Variants in PLXNA4 observed in about 807,000 individuals in gnomAD.
PLXNA4 encodes plexin A4, also known as plexin-A4.
PLXNA4 carries 44 observed loss-of-function variants against 191.8 expected under a neutral mutation model. The observed-to-expected ratio is 0.23, with a 90% confidence interval of 0.18 to 0.29. PLXNA4 has a LOEUF of 0.29. PLXNA4 is among the 10% of genes least tolerant of loss of function. PLXNA4 has a pLI of 1.00. For missense variants in PLXNA4, 1,800 were observed against 2,488.8 expected (o/e 0.72, Z 5.89); for synonymous variants, 1,082 against 1,009.5 (o/e 1.07, Z -1.36).
At chr7:132,237,521 G>A (rs1276263015) in intron 5 of PLXNA4, among the ~76,000 whole-genome samples, 1 of 152,170 alleles carries the variant, frequency 6.6e-6, no homozygotes, top group Non-Finnish European at 1.5e-5. Flanking sequence ...GCCTCAGCGG[G>A]CAGGCAGCCT....
intron 4 of PLXNA4, among the ~76,000 whole-genome samples, chr7:132,260,344 A>G (rs934652985): frequency 6.6e-6 from 1 of 152,236 alleles, no homozygotes; most frequent in African/African-American, 2.4e-5. Context: ...GAATGAGATC[A>G]TGCTTTTTAC....
At position 132,127,944 on chromosome 7, in the gene PLXNA4, T is replaced by G. The variant is rs1794818393; in HGVS notation, c.*2535A>C. ...AGCTTCAGCAGAACCGTGATAAGTCTTTTTTCTTTTTTTTTTCTGCTTGTT... is the reference window on the plus strand; with the variant it reads ...AGCTTCAGCAGAACCGTGATAAGTCGTTTTTCTTTTTTTTTTCTGCTTGTT... On this transcript the variant is annotated 3_prime_UTR_variant, in exon 32 of 32. Transcript: ENST00000321063. The G allele has an allele frequency of 6.6e-6, 1 of 151,454 alleles. No individual in the cohort carries two copies. Among genetic ancestry groups the G allele is most frequent in the African/African-American group, 2.4e-5 (1 of 41,214 alleles). The allele number at this position is 151,454 out of a possible 1,614,324, so 9.4% of individuals were successfully genotyped here.
intron 2 of PLXNA4, among the ~76,000 whole-genome samples, chr7:132,626,241 A>C (rs1499300): frequency 0.22 from 33,108 of 152,078 alleles, 4,216 homozygotes; most frequent in African/African-American, 0.32. Context: ...AGCCCTCATC[A>C]CATCATCTTT....
chr7:132,134,698 C>T (rs754035978), intron 30 of PLXNA4, among the ~76,000 whole-genome samples: 1 of 152,200 alleles, frequency 6.6e-6, no homozygotes, highest in Non-Finnish European at 1.5e-5. Context: ...GGCAACAAGG[C>T]CAAGGGCGTA....
At chr7:132,345,387 C>T (rs1224588230) in intron 3 of PLXNA4, among the ~76,000 whole-genome samples, 1 of 152,244 alleles carries the variant, frequency 6.6e-6, no homozygotes, top group Non-Finnish European at 1.5e-5. Flanking sequence ...ATTAACACTT[C>T]ATTCTTGCCT....
At chr7:132,518,093 A>G (rs762890932) in intron 1 of PLXNA4, among the ~76,000 whole-genome samples, 2 of 152,088 alleles carry the variant, frequency 1.3e-5, no homozygotes, top group Non-Finnish European at 2.9e-5. Context: ...CTAGGGCCCA[A>G]TCATGCAGCT....
intron 3 of PLXNA4, among the ~76,000 whole-genome samples, chr7:132,432,151 G>A (rs952986547): frequency 2.6e-5 from 4 of 152,126 alleles, no homozygotes; most frequent in African/African-American, 9.7e-5. Context: ...ACTCCAAGAA[G>A]CTGGGTATCC....
At chr7:132,562,024 CCTCCTT>C (rs1378171843) in intron 1 of PLXNA4, among the ~76,000 whole-genome samples, 10 of 97,242 alleles carry the variant, frequency 1.0e-4, no homozygotes, top group Non-Finnish European at 2.5e-4. Flanking sequence ...TCCTCCTCCT[CCTCCTT>C]CTCCTCCTCT....
intron 5 of PLXNA4, among the ~76,000 whole-genome samples, chr7:132,235,743 T>C (rs7807049): frequency 0.17 from 25,518 of 152,158 alleles, 2,263 homozygotes; most frequent in African/African-American, 0.19. Context: ...CAGGCTTCTT[T>C]GCCTGGGCAC....
chr7:132,200,315 T>G (rs1797390292), intron 12 of PLXNA4, among the ~76,000 whole-genome samples: 1 of 152,136 alleles, frequency 6.6e-6, no homozygotes, highest in Admixed American at 6.5e-5. Context: ...TGGGTTGGTT[T>G]CTTGTTGAGG....
chr7:132,146,638 G>T lies in PLXNA4; in HGVS notation c.4927C>A (p.Pro1643Thr), dbSNP rs750385003. The T allele has an allele frequency of 1.2e-5, 19 of 1,614,082 alleles. No homozygotes were observed. The Admixed American group carries it at 3.2e-4, about 27-fold the overall frequency. ...ATCTTGACTCCACTCTCCAGGTCAG[G>T]AGTGATCATAGGTGTCCGTGAGCGG... ...SLRSRTPMIT[P>T]DLESGVKMWH... is the part of the protein sequence containing the mutation. The change falls in exon 28 of 32, where the codon CCT becomes ACT. Residue 1643 changes from proline (P) to threonine (T), a missense_variant. Pro to Thr is a conservative substitution (Grantham distance 38). This residue lies in a region of PLXNA4 where 214 missense variants were observed against 298.2 expected (regional missense o/e 0.72). Coordinates refer to ENST00000321063, the MANE Select transcript of PLXNA4 (RefSeq NM_020911.2).
chr7:132,363,067 C>T (rs900011083), intron 3 of PLXNA4, among the ~76,000 whole-genome samples: 2 of 152,178 alleles, frequency 1.3e-5, no homozygotes, highest in Non-Finnish European at 2.9e-5. Context: ...TCACTGAAAC[C>T]TCTGCCTCCC....
At chr7:132,571,746 C>G (rs773323826) in intron 1 of PLXNA4, among the ~76,000 whole-genome samples, 1 of 152,118 alleles carries the variant, frequency 6.6e-6, no homozygotes, top group Non-Finnish European at 1.5e-5. Context: ...ACAATACTAG[C>G]AATTTGAAGC....
chr7:132,265,805 A>G (rs892113366), intron 4 of PLXNA4, among the ~76,000 whole-genome samples: 2 of 152,160 alleles, frequency 1.3e-5, no homozygotes, highest in African/African-American at 4.8e-5. Flanking sequence ...CTGAGCAGTC[A>G]TCTAGAAGCC....
At position 132,644,662 on chromosome 7, in the gene PLXNA4, T is replaced by G. The variant is rs566120351; in HGVS notation, c.-87+1266A>C. On this transcript the variant is annotated intron_variant, in intron 2 of 4. Transcript: ENST00000378539. ...CAGGGAAATAGATGGTCCCAGCCAC[T>G]GTAATTCCTTCGTGATATATTTAAA... 3.9e-5 allele frequency among the ~76,000 whole-genome samples: 6 copies of G among 152,342 alleles called. No individual in the cohort carries two copies. In the East Asian group the frequency reaches 1.2e-3, roughly 29 times the overall value.
chr7:132,217,638 C>T (rs979948960), intron 9 of PLXNA4, among the ~76,000 whole-genome samples: 1 of 152,132 alleles, frequency 6.6e-6, no homozygotes, highest in Non-Finnish European at 1.5e-5. Context: ...AACCACAGTG[C>T]CCAATACAAA....
intron 3 of PLXNA4, among the ~76,000 whole-genome samples, chr7:132,454,763 C>CAAGGAGAAGACAGCCAAAGAGAGAAGCCT (rs1796253154): frequency 6.6e-6 from 1 of 151,904 alleles, no homozygotes; most frequent in African/African-American, 2.4e-5. Flanking sequence ...TGTGAAGACA[C>CAAGGAGAAGACAGCCAAAGAGAGAAGCCT]AAGGAGAAGA....
intron 3 of PLXNA4, among the ~76,000 whole-genome samples, chr7:132,303,300 G>C (rs1397994213): frequency 3.6e-5 from 5 of 139,280 alleles, no homozygotes; most frequent in Non-Finnish European, 7.7e-5. Flanking sequence ...GCCGGGTGCT[G>C]TTGCTTAAGC....
At chr7:132,267,272 T>G (rs1036492704) in intron 4 of PLXNA4, among the ~76,000 whole-genome samples, 1 of 152,140 alleles carries the variant, frequency 6.6e-6, no homozygotes, top group African/African-American at 2.4e-5. Flanking sequence ...AGGAGCCTGA[T>G]GAGGATGAAG....
Sources: allele counts gnomAD v4.1 joint callset (sites outside exome capture counted in the v4.1 genomes callset), GRCh38; gene constraint gnomAD v4.1.1; regional missense constraint gnomAD v4.1.1; transcripts MANE v1.5; gene names NCBI Gene and HGNC (gene_info 2026-07-23, HGNC 2026-07-21).